GPC5: variants seen among roughly 807,000 people sequenced by gnomAD.
The protein encoded by GPC5 is glypican 5, also known as glypican-5.
Under a neutral mutation model 53.9 loss-of-function variants are expected in GPC5, and 47 were observed. The ratio of observed to expected loss-of-function variants is 0.87; its 90% CI spans 0.69 to 1.11. The LOEUF (loss-of-function observed/expected upper bound fraction) is 1.11. Ranked by LOEUF, GPC5 falls within the 50% of genes most tolerant of loss-of-function variation. The pLI is 0.00. For synonymous variants in GPC5, 286 were observed against 263.3 expected, an observed-to-expected ratio of 1.09 and a Z score of -0.84; for missense variants, 748 against 713.1, an observed-to-expected ratio of 1.05 and a Z score of -0.56.
intron 7 of GPC5, among the ~76,000 whole-genome samples, chr13:92,714,082 A>T (rs1888246020): frequency 6.6e-6 from 1 of 152,194 alleles, no homozygotes; most frequent in Non-Finnish European, 1.5e-5. Flanking sequence ...TTTGTCACGT[A>T]ATACCTAGAA....
At chr13:91,535,044 A>G (rs979974268) in intron 2 of GPC5, among the ~76,000 whole-genome samples, 9 of 152,196 alleles carry the variant, frequency 5.9e-5, no homozygotes, top group Non-Finnish European at 1.0e-4. Flanking sequence ...GAGATCTCTC[A>G]AATCACTTCT....
intron 2 of GPC5, among the ~76,000 whole-genome samples, chr13:91,677,880 C>T (rs1241368923): frequency 1.3e-5 from 2 of 152,132 alleles, no homozygotes; most frequent in South Asian, 4.1e-4. Flanking sequence ...AATTGTTACA[C>T]CCTATTCTTT....
intron 3 of GPC5, among the ~76,000 whole-genome samples, chr13:91,728,244 C>A (rs1279009585): frequency 6.6e-6 from 1 of 152,162 alleles, no homozygotes; most frequent in East Asian, 1.9e-4. Flanking sequence ...TAATGTTACA[C>A]AAATAAGTCA....
intron 2 of GPC5, among the ~76,000 whole-genome samples, chr13:91,647,163 G>GT (rs1255681009): frequency 1.2e-4 from 18 of 149,594 alleles, no homozygotes; most frequent in Middle Eastern, 3.5e-3. Context: ...GGCTTACCCT[G>GT]TTTTTTTTGT....
intron 6 of GPC5, among the ~76,000 whole-genome samples, chr13:91,993,721 T>C (rs2040478758): frequency 1.3e-5 from 2 of 152,318 alleles, no homozygotes; most frequent in Non-Finnish European, 2.9e-5. Context: ...GAAAGACCGA[T>C]TCCTTTCTCA....
At chr13:91,705,599 G>T (rs1219463207) in intron 3 of GPC5, among the ~76,000 whole-genome samples, 1 of 152,022 alleles carries the variant, frequency 6.6e-6, no homozygotes, top group Non-Finnish European at 1.5e-5. Flanking sequence ...TCGTTGGGGG[G>T]AAGGATTTGT....
chr13:91,927,569 T>A (rs1056831277), intron 6 of GPC5, among the ~76,000 whole-genome samples: 8 of 151,880 alleles, frequency 5.3e-5, no homozygotes, highest in Non-Finnish European at 1.2e-4. Context: ...TGTAGCAACT[T>A]TTTTTTTGTC....
At chr13:91,975,632 A>G (rs2040292755) in intron 6 of GPC5, among the ~76,000 whole-genome samples, 1 of 152,210 alleles carries the variant, frequency 6.6e-6, no homozygotes, top group Non-Finnish European at 1.5e-5. Context: ...CAGGTGCTGG[A>G]GAGGATGTGG....
At chr13:92,747,521 C>A (rs1889269279) in intron 7 of GPC5, among the ~76,000 whole-genome samples, 1 of 151,900 alleles carries the variant, frequency 6.6e-6, no homozygotes, top group Non-Finnish European at 1.5e-5. Flanking sequence ...TGGGGGTATG[C>A]ATTGACCTCC....
At chr13:92,610,030 CAAAAAAAAAAA>C (rs56913637) in intron 7 of GPC5, among the ~76,000 whole-genome samples, 1 of 70,838 alleles carries the variant, frequency 1.4e-5, no homozygotes, top group Non-Finnish European at 2.5e-5. Flanking sequence ...GACTCCATCT[CAAAAAAAAAAA>C]AAAAAAAAAA....
At chr13:91,520,114 A>T (rs7318604) in intron 2 of GPC5, among the ~76,000 whole-genome samples, 4,288 of 152,272 alleles carry the variant, frequency 0.028, 174 homozygotes, top group African/African-American at 0.095. Flanking sequence ...CCATAAAAAA[A>T]AATTTATAAA....
chr13:92,424,807 CAT>C (rs1876753572), intron 7 of GPC5, among the ~76,000 whole-genome samples: 11 of 79,240 alleles, frequency 1.4e-4, no homozygotes, highest in African/African-American at 7.0e-4. Context: ...AATCAATATT[CAT>C]CTATTCATTC....
chr13:92,157,574 A>T (rs1276169859), intron 7 of GPC5, among the ~76,000 whole-genome samples: 2 of 152,240 alleles, frequency 1.3e-5, no homozygotes, highest in African/African-American at 4.8e-5. Flanking sequence ...AAATGGGAAG[A>T]GAAAGAATTT....
intron 5 of GPC5, among the ~76,000 whole-genome samples, chr13:91,779,876 G>T (rs564194636): frequency 3.6e-4 from 54 of 152,012 alleles, no homozygotes; most frequent in African/African-American, 1.2e-3. Flanking sequence ...GCCTGAGGTG[G>T]TTTTATAGTT....
rs548565869 is a variant in GPC5 at position 91,714,304 on chromosome 13, C to G, written c.1021-14228C>G. On this transcript the variant is annotated intron_variant, in intron 3 of 7. Transcript: ENST00000377067. ...GGTTGTTTATATTTTCGGCAACATT[C>G]AGATCACAATACTGGAAAGAAGTAA... is the stretch of plus-strand genomic sequence containing the variant. Among the ~76,000 whole-genome samples, 12 of 152,238 alleles carry G rather than the reference C, an allele frequency of 7.9e-5. No homozygotes were observed. In the East Asian group the frequency reaches 1.9e-3, roughly 24 times the overall value.
At chr13:92,532,477 A>C (rs1045384458) in intron 7 of GPC5, among the ~76,000 whole-genome samples, 4 of 152,190 alleles carry the variant, frequency 2.6e-5, no homozygotes, top group South Asian at 2.1e-4. Context: ...AACAGCCAAA[A>C]TAGTATAATA....
rs1430134655 is a variant in GPC5 at position 92,638,888 on chromosome 13, G to A, written c.1562-227394G>A. On this transcript the variant is annotated intron_variant, in intron 7 of 7. Coordinates refer to ENST00000377067, the MANE Select transcript of GPC5 (RefSeq NM_004466.6). ...TTATGAAATTCTAACATTTTATTTT[G>A]ACACATTTGTTTTTTAGTCTTTTGT... 2.0e-5 allele frequency among the ~76,000 whole-genome samples: 3 copies of A among 152,110 alleles called. No homozygotes were observed. In the East Asian group the frequency reaches 5.8e-4, roughly 29 times the overall value.
intron 7 of GPC5, among the ~76,000 whole-genome samples, chr13:92,204,385 G>C (rs531098598): frequency 2.8e-4 from 43 of 152,174 alleles, no homozygotes; most frequent in Non-Finnish European, 5.0e-4. Flanking sequence ...TGTCTGGGAA[G>C]TGGTAACATT....
intron 5 of GPC5, among the ~76,000 whole-genome samples, chr13:91,793,534 C>G (rs2038001619): frequency 6.6e-6 from 1 of 152,084 alleles, no homozygotes; most frequent in Non-Finnish European, 1.5e-5. Context: ...GTGAGGGGTT[C>G]CAGAGTCTGT....
Sources: allele counts gnomAD v4.1 joint callset (sites outside exome capture counted in the v4.1 genomes callset), GRCh38; gene constraint gnomAD v4.1.1; transcripts MANE v1.5; gene names NCBI Gene and HGNC (gene_info 2026-07-23, HGNC 2026-07-21).